The following LRP1B variants were observed in gnomAD, a reference collection of about 807,000 sequenced individuals.
The protein encoded by LRP1B is LDL receptor related protein 1B.
A neutral mutation model predicts 556.6 loss-of-function variants in LRP1B; 217 were observed. That is an observed-to-expected ratio of 0.39 (90% CI 0.35 to 0.44). The LOEUF (loss-of-function observed/expected upper bound fraction) is 0.44. Among genes scored for constraint, LRP1B ranks in the 20% least tolerant of loss-of-function variants. The probability of loss-of-function intolerance (pLI) is 1.00; values close to 1 mark genes in which losing one functional copy is unlikely to be tolerated. For synonymous variants in LRP1B, 2,047 were observed against 1,865.8 expected (o/e 1.10, Z -2.50); for missense variants, 5,053 against 5,620.8 (o/e 0.90, Z 3.23).
At chr2:140,496,368 A>G (rs938446783) in intron 55 of LRP1B, among the ~76,000 whole-genome samples, 1 of 152,108 alleles carries the variant, frequency 6.6e-6, no homozygotes, top group East Asian at 1.9e-4. Context: ...TCTTGTACAC[A>G]CTGAAATTTT....
At chr2:141,069,663 T>G (rs1358607019) in intron 7 of LRP1B, among the ~76,000 whole-genome samples, 4 of 152,032 alleles carry the variant, frequency 2.6e-5, no homozygotes, top group Non-Finnish European at 4.4e-5. Flanking sequence ...CTGCCAAATC[T>G]AACTGCCTAA....
intron 60 of LRP1B, among the ~76,000 whole-genome samples, chr2:140,465,909 A>G (rs1014961694): frequency 7.2e-5 from 11 of 152,074 alleles, no homozygotes; most frequent in African/African-American, 2.4e-4. Flanking sequence ...CCCTTCCATT[A>G]ACTTTTATTG....
intron 1 of LRP1B, among the ~76,000 whole-genome samples, chr2:141,821,593 G>A: frequency 6.6e-6 from 1 of 152,162 alleles, no homozygotes; most frequent in East Asian, 1.9e-4. Context: ...GAATTGGGAA[G>A]TATATATTTT....
chr2:140,869,444 T>C (rs547361510), intron 25 of LRP1B, among the ~76,000 whole-genome samples: 26 of 152,240 alleles, frequency 1.7e-4, no homozygotes, highest in Admixed American at 5.9e-4. Flanking sequence ...TGAGACAGTA[T>C]ATCTGTCTAA....
At chr2:141,735,584 C>T (rs1671150347) in intron 2 of LRP1B, among the ~76,000 whole-genome samples, 1 of 151,972 alleles carries the variant, frequency 6.6e-6, no homozygotes, top group South Asian at 2.1e-4. Context: ...ACTGAGAGCC[C>T]TCCATTACTG....
intron 2 of LRP1B, among the ~76,000 whole-genome samples, chr2:141,781,142 A>C (rs940108422): frequency 3.3e-5 from 5 of 152,170 alleles, no homozygotes; most frequent in Non-Finnish European, 7.3e-5. Flanking sequence ...CTCAAATTCC[A>C]ATGCTCAGGT....
At chr2:141,316,249 G>C (rs1417611717) in intron 3 of LRP1B, among the ~76,000 whole-genome samples, 1 of 151,968 alleles carries the variant, frequency 6.6e-6, no homozygotes, top group Non-Finnish European at 1.5e-5. Context: ...CACAGTACTA[G>C]CAATACATTT....
chr2:140,269,155 G>A (rs1203225387), intron 86 of LRP1B: 2 of 407,530 alleles, frequency 4.9e-6, no homozygotes, highest in African/African-American at 2.1e-5. Context: ...GATGAGCCCC[G>A]AGATTAAGTA....
intron 2 of LRP1B, among the ~76,000 whole-genome samples, chr2:141,691,910 AT>A (rs570665667): frequency 7.2e-5 from 11 of 152,062 alleles, no homozygotes; most frequent in African/African-American, 2.2e-4. Context: ...TGAAACTTAT[AT>A]TTTTTTGCAT....
intron 2 of LRP1B, among the ~76,000 whole-genome samples, chr2:141,690,669 G>C (rs1416077405): frequency 6.6e-6 from 1 of 150,564 alleles, no homozygotes; most frequent in South Asian, 2.1e-4. Flanking sequence ...TTATTTTTGA[G>C]CCTAAAACTG....
chr2:140,636,788 A>G (rs543819659), intron 41 of LRP1B, among the ~76,000 whole-genome samples: 4 of 152,310 alleles, frequency 2.6e-5, no homozygotes, highest in South Asian at 2.1e-4. Flanking sequence ...TTAAGAAGCT[A>G]AAGTTCTTGA....
chr2:141,203,602 C>G (rs1233054363), intron 6 of LRP1B, among the ~76,000 whole-genome samples: 1 of 152,102 alleles, frequency 6.6e-6, no homozygotes, highest in Non-Finnish European at 1.5e-5. Context: ...GACTTTAACA[C>G]CCCACTGTCA....
At chr2:141,710,203 C>A (rs1692307975) in intron 2 of LRP1B, among the ~76,000 whole-genome samples, 1 of 151,796 alleles carries the variant, frequency 6.6e-6, no homozygotes, top group Non-Finnish European at 1.5e-5. Flanking sequence ...GAATACTATT[C>A]TTTTTTACTA....
intron 14 of LRP1B, 91 bp from the exon 15 acceptor site, chr2:141,005,548 A>AGCATATATAAG: frequency 9.3e-7 from 1 of 1,080,832 alleles, no homozygotes; most frequent in Non-Finnish European, 1.3e-6. Flanking sequence ...ACACTTATAT[A>AGCATATATAAG]TGCTATGTAT....
intron 11 of LRP1B, among the ~76,000 whole-genome samples, chr2:141,042,961 G>A (rs925498975): frequency 4.0e-5 from 6 of 149,336 alleles, no homozygotes; most frequent in Non-Finnish European, 6.0e-5. Context: ...TGGGGCTCAG[G>A]CAAGTGGATC....
chr2:140,952,453 C>T (rs558393667), intron 18 of LRP1B, among the ~76,000 whole-genome samples: 15 of 151,200 alleles, frequency 9.9e-5, no homozygotes, highest in Admixed American at 9.2e-4. Flanking sequence ...TTTAGGTAAG[C>T]CAGTATCACC....
chr2:141,480,305 G>T (rs2105089315), intron 3 of LRP1B, 91 bp downstream of exon 3: 1 of 1,358,702 alleles, frequency 7.4e-7, no homozygotes. Flanking sequence ...GCTTGTAGTT[G>T]AAAGAAAAGG....
intron 43 of LRP1B, among the ~76,000 whole-genome samples, chr2:140,565,858 G>A (rs576541831): frequency 8.5e-5 from 13 of 152,174 alleles, no homozygotes; most frequent in African/African-American, 3.1e-4. Context: ...GTGGGGAAAA[G>A]GTAAACAAAA....
intron 86 of LRP1B, 90 bp downstream of exon 86, chr2:140,270,152 T>A: frequency 1.1e-6 from 1 of 891,914 alleles, no homozygotes; most frequent in Non-Finnish European, 1.8e-6. Flanking sequence ...TCATTTAAAA[T>A]TACCCCAGAA....
Sources: gnomAD v4.1 joint callset for allele counts (sites outside exome capture counted in the v4.1 genomes callset) on GRCh38, gnomAD v4.1.1 for gene constraint, MANE v1.5 for transcripts, NCBI Gene and HGNC (gene_info 2026-07-23, HGNC 2026-07-21) for gene names.